Variants in GRIK5 observed in about 807,000 individuals in gnomAD.
GRIK5 encodes glutamate ionotropic receptor kainate type subunit 5.
A neutral mutation model predicts 97.4 loss-of-function variants in GRIK5; 43 were observed. The ratio of observed to expected loss-of-function variants is 0.44; its 90% CI spans 0.35 to 0.57. GRIK5 has a LOEUF of 0.57. Ranked by LOEUF, GRIK5 falls within the 20% of genes least tolerant of loss-of-function variation. The probability of loss-of-function intolerance (pLI) is 0.01; values close to 1 mark genes in which losing one functional copy is unlikely to be tolerated. For missense variants in GRIK5, 1,015 were observed against 1,382.0 expected (o/e 0.73, Z 4.21); for synonymous variants, 580 against 583.5 (o/e 0.99, Z 0.09).
chr19:42,048,347 C>T (rs1282463490), intron 11 of GRIK5, among the ~76,000 whole-genome samples: 4 of 152,192 alleles, frequency 2.6e-5, no homozygotes, highest in African/African-American at 7.2e-5. Flanking sequence ...TCAGGCTGGG[C>T]GCAGTGGCTC....
intron 6 of GRIK5, among the ~76,000 whole-genome samples, chr19:42,057,521 C>G (rs1432057636): frequency 6.6e-6 from 1 of 152,042 alleles, no homozygotes; most frequent in East Asian, 1.9e-4. Flanking sequence ...TAGGCATGTA[C>G]CACAATGCCC....
chr19:42,029,077 T>A (rs566800645), intron 12 of GRIK5, among the ~76,000 whole-genome samples: 60 of 150,602 alleles, frequency 4.0e-4, no homozygotes, highest in South Asian at 1.3e-3. Flanking sequence ...CAAAAAAAAA[T>A]TTTTTTTTTG....
rs1481445518 is a variant in GRIK5 at position 42,021,639 on chromosome 19, G to A, written c.1698-165C>T. ...GAAAAGGCAGAGAGAGATGCACAGA[G>A]ATGGAGACAGAAGAGGCAGAGAGAG... is the stretch of plus-strand genomic sequence containing the variant. On this transcript the variant is annotated intron_variant, in intron 14 of 19. Transcript: ENST00000593562. The surrounding 1 kb of genome is among the most constrained non-coding windows in gnomAD (Gnocchi z 4.2). Among the ~76,000 whole-genome samples, 1 of 152,182 alleles carries A rather than the reference G, an allele frequency of 6.6e-6. No homozygotes were observed. Among genetic ancestry groups the A allele is most frequent in the African/African-American group, 2.4e-5 (1 of 41,452 alleles).
At position 42,021,893 on chromosome 19, in the gene GRIK5, G is replaced by T; in HGVS notation, c.1697+54C>A. 2 of 1,212,640 alleles carry T rather than the reference G, an allele frequency of 1.6e-6. No individual in the cohort carries two copies. The highest frequency in any genetic ancestry group is 2.4e-6 in the Non-Finnish European group (2 of 834,414). The allele number at this position is 1,212,640 out of a possible 1,614,324, so 75.1% of individuals were successfully genotyped here. A position where few individuals can be genotyped will look rare whatever the true frequency, so the allele number is the denominator to read the frequency against. ...GAGAAGAGGCAGGTCGGTCCCAGAG[G>T]CCTCGGCTCGTGCCTCCTCCAGCCC... On this transcript the variant is annotated intron_variant, in intron 14 of 19. Transcript: ENST00000593562. This position sits in a 1 kb window ranked among gnomAD's most constrained non-coding sequence, Gnocchi z 4.2.
At chr19:42,013,413 T>C (rs533679267) in intron 15 of GRIK5, among the ~76,000 whole-genome samples, 472 of 141,208 alleles carry the variant, frequency 3.3e-3, no homozygotes, top group African/African-American at 8.7e-3. Context: ...CTTTTCTTTT[T>C]TTTTTTTTTT....
chr19:42,005,578 T>C, intron 17 of GRIK5, 145 bp downstream of exon 17: 1 of 632,798 alleles, frequency 1.6e-6, no homozygotes, highest in Non-Finnish European at 2.9e-6. Context: ...GACGGTGATG[T>C]CGCCTGCCCA....
chr19:42,027,772 C>G (rs186568337), intron 12 of GRIK5, among the ~76,000 whole-genome samples: 2 of 152,114 alleles, frequency 1.3e-5, no homozygotes, highest in Non-Finnish European at 2.9e-5. Flanking sequence ...CCTCCCAGAG[C>G]CTTTGGAGCC....
At chr19:42,049,954 T>C (rs903378246) in intron 11 of GRIK5, among the ~76,000 whole-genome samples, 1 of 152,024 alleles carries the variant, frequency 6.6e-6, no homozygotes, top group Non-Finnish European at 1.5e-5. Context: ...TATTATTATT[T>C]TTAGACAGGG....
At chr19:42,000,173 A>G (rs564290253) in intron 19 of GRIK5, among the ~76,000 whole-genome samples, 80 of 152,342 alleles carry the variant, frequency 5.3e-4, no homozygotes, top group Admixed American at 4.7e-3. Context: ...TTCATTCTGA[A>G]AATCAGAATG....
chr19:42,032,617 A>G (rs988634553), intron 12 of GRIK5, among the ~76,000 whole-genome samples: 19 of 152,154 alleles, frequency 1.2e-4, no homozygotes, highest in African/African-American at 4.6e-4. Flanking sequence ...CACACAATGG[A>G]ATCCTTATAT....
chr19:41,998,965 G>A lies in GRIK5; in HGVS notation c.2849C>T (p.Pro950Leu). The change falls in exon 20 of 20, where the codon CCT becomes CTT. Residue 950 changes from proline to leucine, a missense_variant. Around this residue, in one of 5 missense-constraint regions of GRIK5, gnomAD observed 109 missense variants for 100.4 expected, o/e 1.09. Coordinates refer to ENST00000593562, the MANE Select transcript of GRIK5 (RefSeq NM_002088.5). The stretch of plus-strand genomic sequence containing the variant: ...GGCGGGGACGCCCAGGCCACGCGGA[G>A]GCGCGCCGGCCCCCGAGGCCCGCAG... ...QALRASGAGAPPRGLGVPAEA... is the reference protein window; with the variant it reads ...QALRASGAGALPRGLGVPAEA... The A allele has an allele frequency of 8.6e-7, 1 of 1,162,374 alleles. No individual in the cohort carries two copies. Among genetic ancestry groups the A allele is most frequent in the Non-Finnish European group, 1.1e-6 (1 of 940,426 alleles). 72.0% of individuals were successfully genotyped at this position (1,162,374 alleles called of 1,614,324 possible).
Position 42,042,424 on chromosome 19 carries a change from G to A in GRIK5, c.1473+128C>T, listed in dbSNP as rs542186424. On this transcript the variant is annotated intron_variant, in intron 12 of 19. Coordinates refer to ENST00000593562, the MANE Select transcript of GRIK5 (RefSeq NM_002088.5). This position sits in a 1 kb window ranked among gnomAD's most constrained non-coding sequence, Gnocchi z 6.9. ...CAACATCAGTGAGGTGGTGTCAGGG[G>A]CCCTTCATGGCTCCTTCCTCTTCTG... 1.4e-5 allele frequency: 11 copies of A among 773,346 alleles called. No individual in the cohort carries two copies. The East Asian group carries it at 2.3e-4, about 16-fold the overall frequency. The allele number at this position is 773,346 out of a possible 1,614,324, so 47.9% of individuals were successfully genotyped here.
intron 1 of GRIK5, among the ~76,000 whole-genome samples, chr19:42,066,735 G>A (rs1174335565): frequency 6.6e-6 from 1 of 152,008 alleles, no homozygotes; most frequent in Non-Finnish European, 1.5e-5. Context: ...AGAAAGGACA[G>A]AGCAGGGAGC....
chr19:42,007,097 CTT>C (rs880000872), intron 15 of GRIK5, among the ~76,000 whole-genome samples: 26 of 140,204 alleles, frequency 1.9e-4, no homozygotes, highest in Non-Finnish European at 1.3e-4. Flanking sequence ...AAACTTTTTT[CTT>C]TTTTTTTTTT....
chr19:42,031,797 C>T (rs934383660), intron 12 of GRIK5, among the ~76,000 whole-genome samples: 24 of 152,154 alleles, frequency 1.6e-4, no homozygotes, highest in Non-Finnish European at 3.1e-4. Context: ...AGAACCAATC[C>T]TAAGAAAATA....
Position 41,998,726 on chromosome 19 carries a change from G to T in GRIK5, c.*145C>A. 2 of 277,170 alleles carry T rather than the reference G, an allele frequency of 7.2e-6. No homozygotes were observed. The highest frequency in any genetic ancestry group is 1.2e-5 in the Non-Finnish European group (2 of 169,988). 17.2% of individuals were successfully genotyped at this position (277,170 alleles called of 1,614,324 possible). A position where few individuals can be genotyped will look rare whatever the true frequency, so the allele number is the denominator to read the frequency against. ...TCCAGAGCCAGGCCTCGGACTTCGC[G>T]GGGAACCAAAGGCAAAATCGCGGCG... On this transcript the variant is annotated 3_prime_UTR_variant, in exon 20 of 20. Transcript: ENST00000593562.
intron 5 of GRIK5, among the ~76,000 whole-genome samples, chr19:42,061,695 G>A (rs550025907): frequency 6.6e-6 from 1 of 152,060 alleles, no homozygotes; most frequent in East Asian, 1.9e-4. Context: ...TTTCCCTCAC[G>A]CCTCTCACAT....
intron 19 of GRIK5, among the ~76,000 whole-genome samples, chr19:42,000,069 G>A (rs2075412153): frequency 6.6e-6 from 1 of 152,260 alleles, no homozygotes. Flanking sequence ...TGGCTGGAGG[G>A]GGGCGTGCAC....
intron 12 of GRIK5, among the ~76,000 whole-genome samples, chr19:42,024,079 T>C (rs2075737189): frequency 6.6e-6 from 1 of 152,198 alleles, no homozygotes; most frequent in Non-Finnish European, 1.5e-5. Context: ...TCAGAGCCTT[T>C]GCACATGCTC....
Sources: allele counts gnomAD v4.1 joint callset (sites outside exome capture counted in the v4.1 genomes callset), GRCh38; gene constraint gnomAD v4.1.1; regional missense constraint gnomAD v4.1.1; non-coding constraint Gnocchi (gnomAD v3.1); transcripts MANE v1.5; gene names NCBI Gene and HGNC (gene_info 2026-07-23, HGNC 2026-07-21).